Variants in IQCJ observed in about 807,000 individuals in gnomAD.
IQCJ encodes the protein IQ domain-containing protein J.
Under a neutral mutation model 11.0 loss-of-function variants are expected in IQCJ, and 9 were observed. The ratio of observed to expected loss-of-function variants is 0.82; its 90% CI spans 0.49 to 1.43. The LOEUF (loss-of-function observed/expected upper bound fraction) is 1.43. Among genes scored for constraint, IQCJ ranks in the 40% most tolerant of loss-of-function variants. The pLI, the probability that IQCJ is intolerant of heterozygous loss-of-function variation, is 0.00. For synonymous variants in IQCJ, 55 were observed against 51.3 expected, an observed-to-expected ratio of 1.07 and a Z score of -0.31; for missense variants, 146 against 133.2, an observed-to-expected ratio of 1.10 and a Z score of -0.47.
At chr3:159,088,691 T>G (rs1427933034) in intron 1 of IQCJ, among the ~76,000 whole-genome samples, 1 of 152,142 alleles carries the variant, frequency 6.6e-6, no homozygotes, top group African/African-American at 2.4e-5. Context: ...CTTTGTCTCT[T>G]TTGATCTTTG....
intron 1 of IQCJ, among the ~76,000 whole-genome samples, chr3:159,090,826 A>G (rs1197074724): frequency 6.6e-6 from 1 of 151,842 alleles, no homozygotes; most frequent in Non-Finnish European, 1.5e-5. Context: ...AAATTAATCA[A>G]TTGGAAGGAA....
At chr3:159,230,542 G>A (rs1024661260) in intron 1 of IQCJ, among the ~76,000 whole-genome samples, 10 of 152,156 alleles carry the variant, frequency 6.6e-5, no homozygotes, top group African/African-American at 1.9e-4. Flanking sequence ...GCAATCAAGT[G>A]TAGAAGTAAG....
chr3:159,076,095 T>G (rs180735039), intron 1 of IQCJ, among the ~76,000 whole-genome samples: 1 of 152,260 alleles, frequency 6.6e-6, no homozygotes, highest in East Asian at 1.9e-4. Context: ...ACCTATTTTT[T>G]TGATGGACTG....
chr3:159,215,349 T>G (rs1303756969), intron 1 of IQCJ, among the ~76,000 whole-genome samples: 1 of 152,174 alleles, frequency 6.6e-6, no homozygotes, highest in Non-Finnish European at 1.5e-5. Context: ...CATGAAGGTT[T>G]AATGACCTGC....
intron 1 of IQCJ, among the ~76,000 whole-genome samples, chr3:159,117,089 G>A (rs931258822): frequency 1.3e-5 from 2 of 152,140 alleles, no homozygotes; most frequent in Non-Finnish European, 2.9e-5. Context: ...AAAGAGTAAT[G>A]TCTACTTGCT....
At chr3:159,114,561 C>A (rs949188811) in intron 1 of IQCJ, among the ~76,000 whole-genome samples, 48 of 146,626 alleles carry the variant, frequency 3.3e-4, no homozygotes, top group African/African-American at 9.8e-4. Flanking sequence ...TCCACCCCCC[C>A]TCGGCCTCTC....
intron 1 of IQCJ, among the ~76,000 whole-genome samples, chr3:159,162,566 A>C (rs775397081): frequency 2.0e-5 from 3 of 152,184 alleles, no homozygotes; most frequent in African/African-American, 7.2e-5. Context: ...TTCCAACACT[A>C]TGTTGAATAG....
intron 1 of IQCJ, among the ~76,000 whole-genome samples, chr3:159,135,884 ATTAT>A (rs1330928705): frequency 6.6e-6 from 1 of 152,234 alleles, no homozygotes; most frequent in African/African-American, 2.4e-5. Context: ...ACAGTAATCA[ATTAT>A]TTATGTAGTA....
intron 1 of IQCJ, among the ~76,000 whole-genome samples, chr3:159,137,429 A>G (rs1027909382): frequency 1.3e-5 from 2 of 152,190 alleles, no homozygotes; most frequent in Non-Finnish European, 2.9e-5. Flanking sequence ...TTTGACCTTT[A>G]TACTTCATGT....
intron 1 of IQCJ, among the ~76,000 whole-genome samples, chr3:159,179,014 A>G (rs1722946413): frequency 6.6e-6 from 1 of 152,122 alleles, no homozygotes; most frequent in East Asian, 1.9e-4. Context: ...TATATTTTGG[A>G]ATAAACCTAC....
At chr3:159,086,476 G>A (rs1034707551) in intron 1 of IQCJ, among the ~76,000 whole-genome samples, 1 of 152,174 alleles carries the variant, frequency 6.6e-6, no homozygotes, top group Non-Finnish European at 1.5e-5. Context: ...AGCTTGATGG[G>A]GATGGCATTG....
At chr3:159,256,557 G>A (rs1271842403) in intron 3 of IQCJ, among the ~76,000 whole-genome samples, 3 of 152,216 alleles carry the variant, frequency 2.0e-5, no homozygotes, top group Non-Finnish European at 4.4e-5. Flanking sequence ...TCCCAGCTCT[G>A]CTTTTTACCT....
chr3:159,169,574 G>A (rs1299000546), intron 1 of IQCJ, among the ~76,000 whole-genome samples: 1 of 152,100 alleles, frequency 6.6e-6, no homozygotes, highest in Non-Finnish European at 1.5e-5. Context: ...ACAGGCATGA[G>A]CCACCGCACC....
intron 1 of IQCJ, among the ~76,000 whole-genome samples, chr3:159,102,747 G>A (rs1718012422): frequency 6.6e-6 from 1 of 152,206 alleles, no homozygotes; most frequent in Non-Finnish European, 1.5e-5. Context: ...ATAGTAGCTA[G>A]TGCCCAAACT....
chr3:159,186,040 T>A (rs756757243), intron 1 of IQCJ, among the ~76,000 whole-genome samples: 1 of 152,200 alleles, frequency 6.6e-6, no homozygotes, highest in Non-Finnish European at 1.5e-5. Context: ...ATGGTTACCT[T>A]TACCTATCAA....
chr3:159,162,156 C>T (rs980950691), intron 1 of IQCJ, among the ~76,000 whole-genome samples: 2 of 152,102 alleles, frequency 1.3e-5, no homozygotes, highest in Non-Finnish European at 2.9e-5. Flanking sequence ...ATTCTTCCTA[C>T]CCATGAGCAT....
intron 1 of IQCJ, among the ~76,000 whole-genome samples, chr3:159,171,848 G>A (rs114469089): frequency 1.1e-3 from 166 of 152,290 alleles, no homozygotes; most frequent in African/African-American, 3.8e-3. Context: ...TTTAGTAGAT[G>A]TGTGATTGAC....
At chr3:159,126,307 G>C (rs1359689992) in intron 1 of IQCJ, among the ~76,000 whole-genome samples, 3 of 152,120 alleles carry the variant, frequency 2.0e-5, no homozygotes, top group Non-Finnish European at 4.4e-5. Context: ...TTACCTCTTA[G>C]GGCTGTGAAG....
intron 1 of IQCJ, among the ~76,000 whole-genome samples, chr3:159,211,827 GA>G (rs1204046802): frequency 2.6e-5 from 4 of 152,000 alleles, no homozygotes; most frequent in Non-Finnish European, 4.4e-5. Flanking sequence ...AATGTAGACA[GA>G]AGAGAAGTTT....
Sources: gnomAD v4.1 joint callset for allele counts (sites outside exome capture counted in the v4.1 genomes callset) on GRCh38, gnomAD v4.1.1 for gene constraint, MANE v1.5 for transcripts, NCBI Gene and HGNC (gene_info 2026-07-23, HGNC 2026-07-21) for gene names.